Variants in DDB1 observed in about 807,000 individuals in gnomAD.
DDB1 encodes the protein damage specific DNA binding protein 1, also known as DNA damage-binding protein 1.
DDB1 carries 18 observed loss-of-function variants against 133.1 expected under a neutral mutation model. The observed-to-expected ratio is 0.14, with a 90% CI of 0.09 to 0.20. The LOEUF (loss-of-function observed/expected upper bound fraction) is 0.20, where lower values mean the gene tolerates loss of function less well. DDB1 is among the 10% of genes least tolerant of loss of function. DDB1 has a pLI of 1.00. For synonymous variants in DDB1, 580 were observed against 550.5 expected, an observed-to-expected ratio of 1.05 and a Z score of -0.75; for missense variants, 828 against 1,459.2, an observed-to-expected ratio of 0.57 and a Z score of 7.05.
At chr11:61,325,770 C>CAAA in intron 5 of DDB1, 62 bp from the exon 6 acceptor site, 1 of 1,367,658 alleles carries the variant, frequency 7.3e-7, no homozygotes, top group Non-Finnish European at 1.0e-6. Flanking sequence ...CCAGGACTGG[C>CAAA]AAAAGTACAG....
intron 21 of DDB1, among the ~76,000 whole-genome samples, chr11:61,307,311 A>G (rs1411363770): frequency 1.3e-5 from 2 of 152,236 alleles, no homozygotes; most frequent in African/African-American, 4.8e-5. Context: ...AGGCGACTGC[A>G]ATCAGGTTTC....
At chr11:61,332,793 C>T in intron 1 of DDB1, 115 bp downstream of exon 1, 1 of 914,372 alleles carries the variant, frequency 1.1e-6, no homozygotes, top group Non-Finnish European at 1.5e-6. Context: ...CCGCCAGCGC[C>T]TTCCATTCGC....
At chr11:61,317,527 G>T (rs1291810501) in intron 10 of DDB1, among the ~76,000 whole-genome samples, 1 of 152,002 alleles carries the variant, frequency 6.6e-6, no homozygotes, top group East Asian at 1.9e-4. Flanking sequence ...ATTTATTTGA[G>T]ACGGAGTCTT....
chr11:61,331,496 C>T (rs766476927), intron 2 of DDB1, 47 bp downstream of exon 2: 9 of 1,595,338 alleles, frequency 5.6e-6, no homozygotes, highest in South Asian at 1.1e-5. Flanking sequence ...AAACAACCTA[C>T]GACCAACAGT....
intron 6 of DDB1, among the ~76,000 whole-genome samples, chr11:61,325,045 G>C (rs571306418): frequency 2.0e-5 from 3 of 152,312 alleles, no homozygotes; most frequent in African/African-American, 7.2e-5. Context: ...CTACTAAGGA[G>C]GCTGAGGCAG....
intron 20 of DDB1, 92 bp from the exon 21 acceptor site, chr11:61,309,169 TG>T: frequency 7.9e-7 from 1 of 1,262,430 alleles, no homozygotes; most frequent in Non-Finnish European, 1.2e-6. Context: ...TACAAATTCT[TG>T]CCCCCCAAAA....
rs1855762280 is a variant in DDB1 at position 61,299,807 on chromosome 11, A to AC, written c.*328dup. 2.4e-6 allele frequency: 1 copy of AC among 424,868 alleles called. No individual in the cohort carries two copies. Among genetic ancestry groups the AC allele is most frequent in the South Asian group, 2.2e-5 (1 of 46,092 alleles). 26.3% of individuals were successfully genotyped at this position (424,868 alleles called of 1,614,324 possible). Reference sequence around the variant, plus strand: ...TACACACACACACATACACACACACACACGCACAGCTTCCTTTCAGCCAAA... The same window carrying AC: ...TACACACACACACATACACACACACACCACGCACAGCTTCCTTTCAGCCAAA... On this transcript the variant is annotated 3_prime_UTR_variant, in exon 27 of 27. Coordinates refer to ENST00000301764, the MANE Select transcript of DDB1 (RefSeq NM_001923.5).
At chr11:61,320,479 G>A (rs528667412) in intron 10 of DDB1, among the ~76,000 whole-genome samples, 1 of 152,104 alleles carries the variant, frequency 6.6e-6, no homozygotes, top group Non-Finnish European at 1.5e-5. Context: ...GGGATTACAG[G>A]TGTCAGGCAA....
Position 61,322,375 on chromosome 11 carries a change from A to G in DDB1, c.1043T>C (p.Val348Ala). Residue 348 changes from valine to alanine, a missense_variant, in exon 9 of 27, where the codon GTG (valine) becomes GCG (alanine). Transcript: ENST00000301764. ...VDSNEQGSYV[V>A]AMETFTNLGP... ...TAAGTTGGTAAAGGTTTCCATGGCC[A>G]CTACATAGGAGCCTTGTTCATTACT... 1.2e-6 allele frequency: 2 copies of G among 1,614,202 alleles called. No individual in the cohort carries two copies. The highest frequency in any genetic ancestry group is 1.3e-5 in the African/African-American group (1 of 75,040).
At chr11:61,316,931 A>T (rs1856079175) in intron 10 of DDB1, among the ~76,000 whole-genome samples, 1 of 106,632 alleles carries the variant, frequency 9.4e-6, no homozygotes, top group African/African-American at 3.7e-5. Flanking sequence ...AAAAAAAAAA[A>T]AAAAAAAAAG....
chr11:61,321,526 T>A, intron 10 of DDB1, 69 bp downstream of exon 10: 7 of 1,492,978 alleles, frequency 4.7e-6, no homozygotes, highest in Non-Finnish European at 6.5e-6. Context: ...CCAAAACGCC[T>A]TCACAACATG....
At chr11:61,306,168 C>G (rs372029458) in intron 21 of DDB1, among the ~76,000 whole-genome samples, 2 of 152,334 alleles carry the variant, frequency 1.3e-5, no homozygotes, top group African/African-American at 2.4e-5. Flanking sequence ...TGTGCCCACT[C>G]ACTGCACCCT....
At chr11:61,325,001 A>G (rs1856247033) in intron 6 of DDB1, among the ~76,000 whole-genome samples, 1 of 152,140 alleles carries the variant, frequency 6.6e-6, no homozygotes, top group Non-Finnish European at 1.5e-5. Flanking sequence ...ATACAAAATT[A>G]GCCGGGCGTG....
chr11:61,325,483 CTT>C, intron 6 of DDB1, 126 bp downstream of exon 6: 1 of 753,754 alleles, frequency 1.3e-6, no homozygotes, highest in Non-Finnish European at 2.2e-6. Context: ...AACGCAATAC[CTT>C]ATATACATAG....
At chr11:61,300,528 T>C (rs138445657) in intron 26 of DDB1, among the ~76,000 whole-genome samples, 100 of 152,346 alleles carry the variant, frequency 6.6e-4, no homozygotes, top group Non-Finnish European at 1.2e-3. Flanking sequence ...GCCTCCCACC[T>C]TTGGGTCTTG....
At position 61,303,800 on chromosome 11, in the gene DDB1, CAG is replaced by C. The variant is rs1855839456; in HGVS notation, c.2832+63_2832+64del. The C allele has an allele frequency of 1.3e-5, 21 of 1,588,108 alleles. No homozygotes were observed. The East Asian group carries it at 2.0e-4, about 15-fold the overall frequency. On this transcript the variant is annotated intron_variant, in intron 22 of 26. Transcript: ENST00000301764. ...ACTGGGCTGGCTTATCCTTCCCCAC[CAG>C]AGACACTTGCAGGGGCGGTGGCTCA... is the stretch of plus-strand genomic sequence containing the variant.
rs1339771857 is a variant in DDB1 at position 61,325,708 on chromosome 11, A to G, written c.665T>C (p.Val222Ala). 1 of 1,611,446 alleles carries G rather than the reference A, an allele frequency of 6.2e-7. No individual in the cohort carries two copies. The highest frequency in any genetic ancestry group is 1.1e-5 in the South Asian group (1 of 90,490). ...GATGGCCCCCCCAAAGGGCTCTGGG[A>G]CTGCAGGAAAGACAGCAAAATTAGA... ...VEAEASMVIA[V>A]PEPFGGAIII... The change falls in exon 6 of 27, where the codon GTC (valine) becomes GCC (alanine). Residue 222 changes from valine (V) to alanine (A), a missense_variant and splice_region_variant. Val to Ala is a moderately conservative substitution (Grantham distance 64, BLOSUM62 0). Coordinates refer to ENST00000301764, the MANE Select transcript of DDB1 (RefSeq NM_001923.5).
chr11:61,318,212 G>A (rs1407208793), intron 10 of DDB1, among the ~76,000 whole-genome samples: 1 of 152,080 alleles, frequency 6.6e-6, no homozygotes, highest in African/African-American at 2.4e-5. Context: ...ATTAAATTAT[G>A]CAGATTAACA....
chr11:61,332,608 C>T, intron 1 of DDB1: 1 of 326,916 alleles, frequency 3.1e-6, no homozygotes. Flanking sequence ...TCTCCGGGCC[C>T]AAACGACACC....
Sources: allele counts gnomAD v4.1 joint callset (sites outside exome capture counted in the v4.1 genomes callset), GRCh38; gene constraint gnomAD v4.1.1; transcripts MANE v1.5; gene names NCBI Gene and HGNC (gene_info 2026-07-23, HGNC 2026-07-21).